Variants in CELF4 observed in about 807,000 individuals in gnomAD.
CELF4 encodes CUG-BP- and ETR-3-like factor 4.
CELF4 carries 18 observed loss-of-function variants against 59.9 expected under a neutral mutation model. The ratio of observed to expected loss-of-function variants is 0.30; its 90% CI spans 0.21 to 0.45. CELF4 has a LOEUF of 0.45. Ranked by LOEUF, CELF4 falls within the 20% of genes least tolerant of loss-of-function variation. CELF4 has a pLI of 1.00. For missense variants in CELF4, 456 were observed against 689.0 expected (o/e 0.66, Z 3.79); for synonymous variants, 261 against 267.1 (o/e 0.98, Z 0.22).
intron 1 of CELF4, among the ~76,000 whole-genome samples, chr18:37,534,966 T>A (rs1431577210): frequency 6.6e-6 from 1 of 152,126 alleles, no homozygotes; most frequent in East Asian, 1.9e-4. Context: ...CAAGAGAAAC[T>A]GAGGTGCCAT....
intron 2 of CELF4, among the ~76,000 whole-genome samples, chr18:37,353,212 C>A (rs1365886158): frequency 3.6e-5 from 2 of 55,842 alleles, no homozygotes; most frequent in Non-Finnish European, 6.8e-5. Context: ...CAGAGTGAGA[C>A]TCCGTCTCAA....
At chr18:37,331,826 G>A (rs1277709145) in intron 2 of CELF4, among the ~76,000 whole-genome samples, 1 of 152,118 alleles carries the variant, frequency 6.6e-6, no homozygotes, top group Non-Finnish European at 1.5e-5. Flanking sequence ...GAAAGGGTGT[G>A]CGGCAAGTCG....
rs778704773 is a variant in CELF4, at chr18:37,253,937, G to A, written c.1335C>T (p.Gly445=). The A allele has an allele frequency of 1.9e-6, 3 of 1,602,952 alleles. No homozygotes were observed. Among genetic ancestry groups the A allele is most frequent in the Non-Finnish European group, 1.7e-6 (2 of 1,175,196 alleles). ...TGGCCGGGTTGTCGAAGCTCACGAA[G>A]CCTGGCGAGACACGAGGGACGAGGG... ...AELMQMFLPF[G]FVSFDNPASA... is the part of the protein sequence containing the mutation. The change falls in exon 12 of 13, where the codon GGC becomes GGT. Residue 445 remains glycine (G), a splice_region_variant and synonymous_variant. Transcript: ENST00000420428. This position sits in a 1 kb window ranked among gnomAD's most constrained non-coding sequence, Gnocchi z 4.5.
intron 2 of CELF4, among the ~76,000 whole-genome samples, chr18:37,476,954 G>C (rs938260464): frequency 6.6e-6 from 1 of 152,216 alleles, no homozygotes; most frequent in Admixed American, 6.5e-5. Context: ...CATGACCAGA[G>C]AGCGAAGCTT....
chr18:37,264,631 A>G lies in CELF4; in HGVS notation c.1249+43T>C, dbSNP rs113600873. 6.2e-4 allele frequency: 935 copies of G among 1,511,874 alleles called. 8 individuals carry two copies. The African/African-American group carries it at 1.0e-2, about 16-fold the overall frequency. The allele number at this position is 1,511,874 out of a possible 1,614,324, so 93.7% of individuals were successfully genotyped here. A position where few individuals can be genotyped will look rare whatever the true frequency, so the allele number is the denominator to read the frequency against. ...CCAGGTGAGCAGCCTCTTTGGGGAC[A>G]ACAGGGGGAGGGAGGGGCCCAGGAG... is the stretch of plus-strand genomic sequence containing the variant. On this transcript the variant is annotated intron_variant, in intron 10 of 12. Coordinates refer to ENST00000420428, the MANE Select transcript of CELF4 (RefSeq NM_020180.4).
At chr18:37,271,086 C>T (rs2091005279) in intron 7 of CELF4, among the ~76,000 whole-genome samples, 169 bp from the exon 8 acceptor site, 1 of 152,124 alleles carries the variant, frequency 6.6e-6, no homozygotes, top group African/African-American at 2.4e-5. Context: ...GGCTTATCTC[C>T]CTATATGAAG....
At chr18:37,323,060 C>T (rs1603468935) in intron 2 of CELF4, among the ~76,000 whole-genome samples, 1 of 152,178 alleles carries the variant, frequency 6.6e-6, no homozygotes, top group Non-Finnish European at 1.5e-5. Flanking sequence ...CAAGCTTCCT[C>T]CTACCTTCTG....
chr18:37,376,162 C>G (rs1392519793), intron 2 of CELF4, among the ~76,000 whole-genome samples: 2 of 152,094 alleles, frequency 1.3e-5, no homozygotes, highest in African/African-American at 4.8e-5. Context: ...CTGACCAGCC[C>G]TCACCCTTTC....
chr18:37,315,813 C>T (rs1303811425), intron 3 of CELF4, among the ~76,000 whole-genome samples: 1 of 152,210 alleles, frequency 6.6e-6, no homozygotes, highest in Non-Finnish European at 1.5e-5. Flanking sequence ...CTTCAGGGCC[C>T]CTGTCTGGCT....
At chr18:37,434,961 AC>A (rs1042447810) in intron 2 of CELF4, among the ~76,000 whole-genome samples, 3 of 151,736 alleles carry the variant, frequency 2.0e-5, no homozygotes, top group African/African-American at 7.3e-5. Context: ...TCTTTTGACT[AC>A]CCCCTCCAAA....
At chr18:37,463,667 G>A (rs938601814) in intron 2 of CELF4, among the ~76,000 whole-genome samples, 3 of 152,238 alleles carry the variant, frequency 2.0e-5, no homozygotes, top group Non-Finnish European at 4.4e-5. Flanking sequence ...TTGGGCCTGA[G>A]ATCTTTCTTT....
chr18:37,316,112 T>C (rs2096860550), intron 3 of CELF4, among the ~76,000 whole-genome samples: 1 of 152,040 alleles, frequency 6.6e-6, no homozygotes, highest in South Asian at 2.1e-4. Flanking sequence ...TGAGCCAGCA[T>C]GAGCAAGACC....
chr18:37,511,664 A>G (rs1262619006), intron 1 of CELF4, among the ~76,000 whole-genome samples: 1 of 151,768 alleles, frequency 6.6e-6, no homozygotes, highest in African/African-American at 2.4e-5. Context: ...GGCAGCACTT[A>G]GCGCTCAGTC....
At chr18:37,344,515 C>T (rs565274222) in intron 2 of CELF4, among the ~76,000 whole-genome samples, 1 of 152,362 alleles carries the variant, frequency 6.6e-6, no homozygotes, top group African/African-American at 2.4e-5. Context: ...TAGCATTATA[C>T]CTTGGCTATA....
At chr18:37,356,825 C>G (rs2098595324) in intron 2 of CELF4, among the ~76,000 whole-genome samples, 1 of 152,230 alleles carries the variant, frequency 6.6e-6, no homozygotes, top group South Asian at 2.1e-4. Flanking sequence ...CCAGATCTCT[C>G]TACCGGCAGC....
At chr18:37,535,284 C>A (rs769505751) in intron 1 of CELF4, among the ~76,000 whole-genome samples, 1 of 152,154 alleles carries the variant, frequency 6.6e-6, no homozygotes, top group African/African-American at 2.4e-5. Flanking sequence ...ACAGTACATA[C>A]CTTATTGGCG....
chr18:37,264,577 C>T lies in CELF4; in HGVS notation c.1249+97G>A. The T allele has an allele frequency of 2.9e-6, 3 of 1,038,016 alleles. No homozygotes were observed. In the Admixed American group the frequency reaches 6.1e-5, roughly 21 times the overall value. The allele number at this position is 1,038,016 out of a possible 1,614,324, so 64.3% of individuals were successfully genotyped here. Reference sequence around the variant, plus strand: ...TCAACACAGCACACAAACGTGGTCACCTTTCCAACGCACACCCCAGCCCAA... The same window carrying T: ...TCAACACAGCACACAAACGTGGTCATCTTTCCAACGCACACCCCAGCCCAA... On this transcript the variant is annotated intron_variant, in intron 10 of 12. Coordinates refer to ENST00000420428, the MANE Select transcript of CELF4 (RefSeq NM_020180.4).
intron 1 of CELF4, among the ~76,000 whole-genome samples, chr18:37,519,370 C>T (rs1292940273): frequency 1.3e-5 from 2 of 152,134 alleles, no homozygotes; most frequent in Non-Finnish European, 2.9e-5. Flanking sequence ...AAGAAGTGTG[C>T]TCAAGGATGG....
intron 1 of CELF4, among the ~76,000 whole-genome samples, chr18:37,516,876 T>G (rs921236921): frequency 1.3e-5 from 2 of 152,092 alleles, no homozygotes; most frequent in Admixed American, 1.3e-4. Flanking sequence ...GGCTGGGATC[T>G]CCTCCCCATT....
Sources: gnomAD v4.1 joint callset for allele counts (sites outside exome capture counted in the v4.1 genomes callset) on GRCh38, gnomAD v4.1.1 for gene constraint, Gnocchi (gnomAD v3.1) non-coding constraint, MANE v1.5 for transcripts, NCBI Gene and HGNC (gene_info 2026-07-23, HGNC 2026-07-21) for gene names.